IL1RAPL1: variants seen among roughly 807,000 people sequenced by gnomAD.
IL1RAPL1 encodes the protein interleukin-1 receptor accessory protein-like 1.
IL1RAPL1 carries 3 observed loss-of-function variants against 48.4 expected under a neutral mutation model. The observed-to-expected ratio is 0.06, with a 90% CI of 0.03 to 0.16. The LOEUF is 0.16. IL1RAPL1 is among the 10% of genes least tolerant of loss of function. The pLI is 1.00. For missense variants in IL1RAPL1, 349 were observed against 530.6 expected (o/e 0.66, Z 3.36); for synonymous variants, 185 against 187.7 (o/e 0.99, Z 0.12).
At chrX:28,713,790 T>G (rs1032018399) in intron 1 of IL1RAPL1, among the ~76,000 whole-genome samples, 1 of 111,950 alleles carries the variant, frequency 8.9e-6, no homozygotes, top group African/African-American at 3.2e-5. Flanking sequence ...CAGCCAATTG[T>G]GTCTGTTTAC....
intron 6 of IL1RAPL1, among the ~76,000 whole-genome samples, chrX:29,875,026 C>G (rs1188926932): frequency 8.9e-6 from 1 of 111,735 alleles, no homozygotes; most frequent in Non-Finnish European, 1.9e-5. Flanking sequence ...AGTTACCACC[C>G]CCACACATAC....
At chrX:29,006,647 A>ATATGTGTGTGTG (rs1274128284) in intron 2 of IL1RAPL1, among the ~76,000 whole-genome samples, 21 of 76,927 alleles carry the variant, frequency 2.7e-4, no homozygotes, top group African/African-American at 9.9e-4. Flanking sequence ...GTTTATATAT[A>ATATGTGTGTGTG]TGTGTGTGTG....
intron 3 of IL1RAPL1, among the ~76,000 whole-genome samples, chrX:29,360,662 G>C (rs1933363963): frequency 9.0e-6 from 1 of 111,183 alleles, no homozygotes; most frequent in Non-Finnish European, 1.9e-5. Context: ...GTTGTGTTTA[G>C]ACTATTTGGT....
Position 29,049,814 on chromosome X carries a change from A to G in IL1RAPL1, c.83-233124A>G, listed in dbSNP as rs747741000. 3.6e-5 allele frequency among the ~76,000 whole-genome samples: 4 copies of G among 112,559 alleles called. No individual in the cohort carries two copies. In the South Asian group the frequency reaches 1.5e-3, roughly 41 times the overall value. On this transcript the variant is annotated intron_variant, in intron 2 of 10. Transcript: ENST00000378993. ...TGCAAAGATAATACAGAGTTCTCAT[A>G]CATTTTTTATCCAATTTTGCTAAAT...
At chrX:28,687,325 T>G in intron 1 of IL1RAPL1, among the ~76,000 whole-genome samples, 1 of 112,027 alleles carries the variant, frequency 8.9e-6, no homozygotes, top group Admixed American at 9.5e-5. Flanking sequence ...TGAATTTAGG[T>G]CTTGTTGGAA....
At chrX:29,060,236 G>A (rs768872574) in intron 2 of IL1RAPL1, among the ~76,000 whole-genome samples, 3 of 111,593 alleles carry the variant, frequency 2.7e-5, no homozygotes, top group Non-Finnish European at 5.7e-5. Flanking sequence ...ATTGAAGTAG[G>A]AATACACACA....
chrX:28,667,124 T>A (rs1212620007), intron 1 of IL1RAPL1, among the ~76,000 whole-genome samples: 3 of 111,546 alleles, frequency 2.7e-5, no homozygotes, highest in African/African-American at 9.8e-5. Flanking sequence ...GATGGTCATT[T>A]AAAAAAAATT....
At chrX:29,554,094 C>A (rs1307290969) in intron 5 of IL1RAPL1, among the ~76,000 whole-genome samples, 1 of 110,682 alleles carries the variant, frequency 9.0e-6, no homozygotes, top group East Asian at 2.8e-4. Context: ...AGCATGACTT[C>A]CTAGCTCTTT....
rs190401082 is a variant in IL1RAPL1 at position 29,499,200 on chromosome X, G to T, written c.703+99892G>T. Among the ~76,000 whole-genome samples the T allele has an allele frequency of 4.6e-3, 512 of 111,917 alleles. 2 individuals are homozygous for T. The highest frequency in any genetic ancestry group is 0.013 in the African/African-American group (412 of 30,853). On this transcript the variant is annotated intron_variant, in intron 5 of 10. Transcript: ENST00000378993. ...CCTCTAATTGAATCTGGGAGGATTT[G>T]AATATTGTTTGAGTGTTGGCCAGTC...
chrX:29,753,749 G>C (rs956753304), intron 6 of IL1RAPL1, among the ~76,000 whole-genome samples: 1 of 111,446 alleles, frequency 9.0e-6, no homozygotes, highest in African/African-American at 3.3e-5. Flanking sequence ...TATGACATGG[G>C]GGTGGGAGGG....
At chrX:29,457,034 C>G (rs148574922) in intron 5 of IL1RAPL1, among the ~76,000 whole-genome samples, 1,780 of 107,468 alleles carry the variant, frequency 0.017, 47 homozygotes, top group African/African-American at 0.058. Flanking sequence ...CTCAGGAGGC[C>G]GAGGAGGAAA....
intron 7 of IL1RAPL1, among the ~76,000 whole-genome samples, chrX:29,918,144 A>AAAAAAAAAAATATATAT (rs1555935868): frequency 8.4e-5 from 2 of 23,767 alleles, no homozygotes; most frequent in Non-Finnish European, 1.3e-4. Context: ...AAAAAAAAAA[A>AAAAAAAAAAATATATAT]ATATATATAT....
intron 5 of IL1RAPL1, among the ~76,000 whole-genome samples, chrX:29,519,748 CAGTGTTGGA>C (rs1486831862): frequency 9.0e-6 from 1 of 111,355 alleles, no homozygotes; most frequent in Non-Finnish European, 1.9e-5. Flanking sequence ...TGTGCTTTCT[CAGTGTTGGA>C]AGGGTAGAGA....
At chrX:29,035,165 G>C (rs1926706119) in intron 2 of IL1RAPL1, among the ~76,000 whole-genome samples, 1 of 111,500 alleles carries the variant, frequency 9.0e-6, no homozygotes, top group Admixed American at 9.6e-5. Flanking sequence ...GTGTTAGCCA[G>C]GTCGATCTCC....
At chrX:29,151,998 ACCCAAG>A (rs1929476177) in intron 2 of IL1RAPL1, among the ~76,000 whole-genome samples, 1 of 111,886 alleles carries the variant, frequency 8.9e-6, no homozygotes, top group Non-Finnish European at 1.9e-5. Context: ...ATGAAGAAAT[ACCCAAG>A]ATTGGTTAAT....
chrX:29,102,666 CAA>C (rs148542340), intron 2 of IL1RAPL1, among the ~76,000 whole-genome samples: 17 of 62,086 alleles, frequency 2.7e-4, no homozygotes, highest in Non-Finnish European at 3.7e-4. Context: ...AACTCCATCT[CAA>C]AAAAAAAAAA....
At chrX:29,110,757 A>C (rs2147470002) in intron 2 of IL1RAPL1, among the ~76,000 whole-genome samples, 1 of 111,559 alleles carries the variant, frequency 9.0e-6, no homozygotes, top group African/African-American at 3.3e-5. Context: ...TGAGACGCTG[A>C]ACTCTTTGCC....
intron 5 of IL1RAPL1, among the ~76,000 whole-genome samples, chrX:29,638,147 C>T (rs975649347): frequency 1.8e-5 from 2 of 111,558 alleles, no homozygotes; most frequent in Admixed American, 1.9e-4. Context: ...TGTTATTTGT[C>T]CTAATGCTGA....
chrX:29,003,598 T>C (rs753911822), intron 2 of IL1RAPL1, among the ~76,000 whole-genome samples: 26 of 112,209 alleles, frequency 2.3e-4, no homozygotes, highest in African/African-American at 7.4e-4. Flanking sequence ...TCTCAAATTT[T>C]ACCCAATATA....
Sources: allele counts gnomAD v4.1 joint callset (sites outside exome capture counted in the v4.1 genomes callset), GRCh38; gene constraint gnomAD v4.1.1; transcripts MANE v1.5; gene names NCBI Gene and HGNC (gene_info 2026-07-23, HGNC 2026-07-21).